KIF4A: variants seen among roughly 807,000 people sequenced by gnomAD.
KIF4A encodes the protein chromosome-associated kinesin KIF4A.
Under a neutral mutation model 105.9 loss-of-function variants are expected in KIF4A, and 7 were observed. The observed-to-expected ratio is 0.07, with a 90% CI of 0.04 to 0.12. KIF4A has a LOEUF of 0.12. Ranked by LOEUF, KIF4A falls within the 10% of genes least tolerant of loss-of-function variation. The pLI is 1.00. For missense variants in KIF4A, 558 were observed against 929.2 expected, an observed-to-expected ratio of 0.60 and a Z score of 5.19; for synonymous variants, 281 against 331.3, an observed-to-expected ratio of 0.85 and a Z score of 1.65.
chrX:70,368,324 C>T (rs758841070), intron 15 of KIF4A, among the ~76,000 whole-genome samples: 1 of 112,241 alleles, frequency 8.9e-6, no homozygotes, highest in East Asian at 2.8e-4. Context: ...GAGAGCTGCT[C>T]TGATTGTTAG....
intron 18 of KIF4A, among the ~76,000 whole-genome samples, chrX:70,383,029 G>T (rs1401422426): frequency 9.1e-6 from 1 of 109,759 alleles, no homozygotes; most frequent in African/African-American, 3.3e-5. Flanking sequence ...CACTAAAAAT[G>T]CAAAAAAAGT....
chrX:70,399,122 A>G (rs1422411601), intron 22 of KIF4A, among the ~76,000 whole-genome samples: 1 of 112,332 alleles, frequency 8.9e-6, no homozygotes, highest in Non-Finnish European at 1.9e-5. Flanking sequence ...ATCCTGTGTG[A>G]CGAAACAGGA....
At chrX:70,418,709 C>T (rs2086353986) in intron 29 of KIF4A, among the ~76,000 whole-genome samples, 1 of 112,024 alleles carries the variant, frequency 8.9e-6, no homozygotes, top group African/African-American at 3.2e-5. Context: ...TACAGTAATT[C>T]TAGCAAGCAC....
chrX:70,307,359 G>C (rs2085831467), intron 7 of KIF4A, among the ~76,000 whole-genome samples: 1 of 110,738 alleles, frequency 9.0e-6, no homozygotes, highest in Non-Finnish European at 1.9e-5. Flanking sequence ...TTTTTAAATA[G>C]ATGCTTTAGG....
intron 15 of KIF4A, among the ~76,000 whole-genome samples, chrX:70,358,315 ATC>A (rs748268582): frequency 2.5e-4 from 28 of 110,676 alleles, no homozygotes; most frequent in Middle Eastern, 4.7e-3. Context: ...TGATAATGCT[ATC>A]TCTACATTTT....
chrX:70,368,121 T>C (rs762276843), intron 15 of KIF4A, among the ~76,000 whole-genome samples: 1 of 112,243 alleles, frequency 8.9e-6, no homozygotes, highest in Non-Finnish European at 1.9e-5. Flanking sequence ...GAAGGACTTC[T>C]CTGCATTGGT....
chrX:70,326,490 A>G (rs2085911348), intron 7 of KIF4A, among the ~76,000 whole-genome samples: 1 of 111,973 alleles, frequency 8.9e-6, no homozygotes, highest in Non-Finnish European at 1.9e-5. Context: ...ATGCTTTTAT[A>G]TTCCAGCTGT....
At chrX:70,350,608 C>G in intron 13 of KIF4A, among the ~76,000 whole-genome samples, 1 of 110,759 alleles carries the variant, frequency 9.0e-6, no homozygotes, top group Non-Finnish European at 1.9e-5. Context: ...TCATTTGAGC[C>G]CAGGAGGTGG....
intron 9 of KIF4A, among the ~76,000 whole-genome samples, chrX:70,332,719 A>G (rs1474905034): frequency 9.0e-6 from 1 of 110,833 alleles, no homozygotes; most frequent in Admixed American, 9.6e-5. Context: ...ACAGTGTAAG[A>G]TTCATAAGAT....
At chrX:70,385,230 T>C (rs1298217397) in intron 18 of KIF4A, among the ~76,000 whole-genome samples, 2 of 112,034 alleles carry the variant, frequency 1.8e-5, no homozygotes, top group Non-Finnish European at 3.8e-5. Flanking sequence ...CCAAAGAAGA[T>C]AGTGACTGTA....
intron 15 of KIF4A, among the ~76,000 whole-genome samples, chrX:70,360,845 G>A (rs920011151): frequency 2.0e-4 from 22 of 112,790 alleles, no homozygotes; most frequent in South Asian, 1.1e-3. Flanking sequence ...CAAATTTCAC[G>A]AGGGCTCCTT....
intron 20 of KIF4A, among the ~76,000 whole-genome samples, chrX:70,394,205 CTT>C (rs376526687): frequency 6.1e-5 from 6 of 97,762 alleles, no homozygotes; most frequent in African/African-American, 1.9e-4. Context: ...TTGGGTCTAG[CTT>C]TTTTTTTTTT....
At chrX:70,353,508 A>G (rs1432895560) in intron 14 of KIF4A, 114 bp from the exon 15 acceptor site, 157 of 618,825 alleles carry the variant, frequency 2.5e-4, no homozygotes, top group Non-Finnish European at 2.5e-6. Context: ...CCACTGTTGT[A>G]AAGGAACAGA....
At chrX:70,360,852 C>T (rs1298610885) in intron 15 of KIF4A, among the ~76,000 whole-genome samples, 4 of 112,790 alleles carry the variant, frequency 3.5e-5, no homozygotes, top group African/African-American at 6.4e-5. Flanking sequence ...CACGAGGGCT[C>T]CTTCTAAGGC....
chrX:70,306,159 T>C (rs1478243363), intron 7 of KIF4A, among the ~76,000 whole-genome samples: 1 of 112,322 alleles, frequency 8.9e-6, no homozygotes, highest in African/African-American at 3.2e-5. Flanking sequence ...AGACTATCCT[T>C]TCCCCCATTG....
Position 70,309,301 on chromosome X carries a change from C to A in KIF4A, c.778+6903C>A, listed in dbSNP as rs151222627. ...TCTCTTGAATATTGCATGTTATTGG[C>A]TATTTCTCTTTCCATTTCTATGAAT... On this transcript the variant is annotated intron_variant, in intron 7 of 30. Transcript: ENST00000374403. Among the ~76,000 whole-genome samples the A allele has an allele frequency of 3.6e-5, 4 of 112,028 alleles. 1 individual carries two copies. In the East Asian group the frequency reaches 1.1e-3, roughly 31 times the overall value.
At chrX:70,330,913 A>G (rs1412764049) in intron 9 of KIF4A, among the ~76,000 whole-genome samples, 1 of 111,935 alleles carries the variant, frequency 8.9e-6, no homozygotes, top group Non-Finnish European at 1.9e-5. Context: ...TAGACTTTTT[A>G]TACATGTGGA....
chrX:70,396,800 TG>T (rs1279715545), intron 22 of KIF4A, among the ~76,000 whole-genome samples: 1 of 112,508 alleles, frequency 8.9e-6, no homozygotes, highest in Non-Finnish European at 1.9e-5. Context: ...CCAGGCGCAG[TG>T]GCTCATGCCT....
intron 28 of KIF4A, among the ~76,000 whole-genome samples, chrX:70,410,403 T>C (rs2086317178): frequency 9.0e-6 from 1 of 111,674 alleles, no homozygotes; most frequent in Admixed American, 9.6e-5. Context: ...TGTGCTATCA[T>C]AGAAAAAGTA....
Sources: gnomAD v4.1 joint callset for allele counts (sites outside exome capture counted in the v4.1 genomes callset) on GRCh38, gnomAD v4.1.1 for gene constraint, MANE v1.5 for transcripts, NCBI Gene and HGNC (gene_info 2026-07-23, HGNC 2026-07-21) for gene names.